DOCK10: variants seen among roughly 807,000 people sequenced by gnomAD.
DOCK10 encodes the protein dedicator of cytokinesis protein 10.
In DOCK10, 145 loss-of-function variants were observed where a neutral mutation model predicts 280.1. The observed-to-expected ratio is 0.52, with a 90% confidence interval of 0.45 to 0.59. DOCK10 has a LOEUF of 0.59. DOCK10 is among the 20% of genes least tolerant of loss of function. The pLI is 0.00. For missense variants in DOCK10, 2,368 were observed against 2,651.7 expected (o/e 0.89, Z 2.35); for synonymous variants, 915 against 942.2 (o/e 0.97, Z 0.53).
intron 16 of DOCK10, among the ~76,000 whole-genome samples, chr2:224,854,338 A>T (rs1410227792): frequency 6.6e-6 from 1 of 152,200 alleles, no homozygotes; most frequent in Non-Finnish European, 1.5e-5. Context: ...AATAAAGTTT[A>T]AAAAACTCCT....
chr2:224,987,373 T>A (rs533171201), intron 1 of DOCK10, among the ~76,000 whole-genome samples: 1 of 152,268 alleles, frequency 6.6e-6, no homozygotes, highest in Admixed American at 6.5e-5. Flanking sequence ...GGCTCCAAGC[T>A]CTAGAAAGTA....
chr2:225,005,970 G>C (rs1418823048), intron 1 of DOCK10, among the ~76,000 whole-genome samples: 1 of 152,170 alleles, frequency 6.6e-6, no homozygotes, highest in Admixed American at 6.5e-5. Context: ...CCACCCTCTA[G>C]GGTGTACAAA....
At chr2:225,035,440 T>G (rs1399410379) in intron 1 of DOCK10, among the ~76,000 whole-genome samples, 1 of 149,540 alleles carries the variant, frequency 6.7e-6, no homozygotes, top group Non-Finnish European at 1.5e-5. Flanking sequence ...CATGATTTTC[T>G]AATTCTAGCA....
intron 3 of DOCK10, 136 bp from the exon 4 acceptor site, chr2:224,896,513 A>G: frequency 1.9e-6 from 1 of 519,766 alleles, no homozygotes; most frequent in East Asian, 3.3e-5. Context: ...GTTCGAGGCC[A>G]ACCTGACCAA....
chr2:225,027,358 G>T (rs1033218839), intron 1 of DOCK10, among the ~76,000 whole-genome samples: 2 of 152,150 alleles, frequency 1.3e-5, no homozygotes, highest in Non-Finnish European at 2.9e-5. Context: ...GATGACCACT[G>T]TAATAATGAA....
intron 1 of DOCK10, among the ~76,000 whole-genome samples, chr2:224,950,813 A>G (rs531086920): frequency 1.3e-5 from 2 of 152,354 alleles, no homozygotes; most frequent in South Asian, 4.1e-4. Flanking sequence ...ATTTTTGGAG[A>G]ACAGATTAAC....
chr2:224,905,881 T>C lies in DOCK10; in HGVS notation c.334-9504A>G, dbSNP rs1012910969. On this transcript the variant is annotated intron_variant, in intron 3 of 55. Transcript: ENST00000258390. ...TGGCTCAGGGACCTGCCTTCTCAGT[T>C]CCAGCCCAATTCTCTGGTGTTCATG... Among the ~76,000 whole-genome samples the C allele has an allele frequency of 3.3e-5, 5 of 152,112 alleles. No homozygotes were observed. In the East Asian group the frequency reaches 9.7e-4, roughly 29 times the overall value.
chr2:225,030,485 C>T (rs1690046104), intron 1 of DOCK10, among the ~76,000 whole-genome samples: 1 of 152,156 alleles, frequency 6.6e-6, no homozygotes, highest in Non-Finnish European at 1.5e-5. Flanking sequence ...TTTCTGCACC[C>T]TGCTCGGGGT....
chr2:225,041,208 A>G (rs537643436), intron 1 of DOCK10, among the ~76,000 whole-genome samples: 2 of 152,328 alleles, frequency 1.3e-5, no homozygotes, highest in Non-Finnish European at 2.9e-5. Context: ...GACTGGCAAG[A>G]GTAACACTTT....
intron 50 of DOCK10, chr2:224,784,772 G>A: frequency 7.8e-7 from 1 of 1,289,646 alleles, no homozygotes. Flanking sequence ...AAGAAGAAAA[G>A]AGTAAACATC....
At chr2:225,039,955 C>T (rs1202599312) in intron 1 of DOCK10, among the ~76,000 whole-genome samples, 1 of 152,156 alleles carries the variant, frequency 6.6e-6, no homozygotes, top group Non-Finnish European at 1.5e-5. Flanking sequence ...TGGCTTGCTC[C>T]AATACACACC....
intron 7 of DOCK10, among the ~76,000 whole-genome samples, chr2:224,878,116 A>G (rs1698753701): frequency 6.6e-6 from 1 of 152,212 alleles, no homozygotes; most frequent in Admixed American, 6.5e-5. Flanking sequence ...TTTCTTGGTG[A>G]CAAGCAAAAA....
intron 2 of DOCK10, among the ~76,000 whole-genome samples, chr2:224,924,500 G>C (rs1701950259): frequency 1.3e-5 from 2 of 152,178 alleles, no homozygotes; most frequent in Non-Finnish European, 2.9e-5. Flanking sequence ...ATTCAAGGTT[G>C]ATCTAAATTG....
At chr2:224,947,847 C>T (rs1258966910) in intron 1 of DOCK10, among the ~76,000 whole-genome samples, 1 of 152,140 alleles carries the variant, frequency 6.6e-6, no homozygotes, top group Non-Finnish European at 1.5e-5. Flanking sequence ...AATTTCATTT[C>T]ATTCACTGGG....
chr2:224,954,337 T>G (rs371405452), intron 1 of DOCK10, among the ~76,000 whole-genome samples: 37 of 152,326 alleles, frequency 2.4e-4, no homozygotes, highest in African/African-American at 7.7e-4. Flanking sequence ...TCCAGAGATA[T>G]GTATATATCT....
intron 2 of DOCK10, among the ~76,000 whole-genome samples, chr2:224,924,610 G>A (rs1701957601): frequency 6.6e-6 from 1 of 152,148 alleles, no homozygotes; most frequent in African/African-American, 2.4e-5. Context: ...TCAGTTGATA[G>A]ATTATTTGGG....
intron 24 of DOCK10, among the ~76,000 whole-genome samples, chr2:224,839,084 C>CTTT (rs67901319): frequency 2.7e-4 from 40 of 150,456 alleles, no homozygotes; most frequent in African/African-American, 6.9e-4. Flanking sequence ...GTTCATAGCA[C>CTTT]TTCTTTTTTT....
At chr2:224,938,319 T>C (rs573765959) in intron 1 of DOCK10, among the ~76,000 whole-genome samples, 10 of 152,294 alleles carry the variant, frequency 6.6e-5, no homozygotes, top group Non-Finnish European at 1.3e-4. Context: ...TAATCCTGTA[T>C]CTGAGTGGCT....
chr2:224,920,341 T>A (rs1000044143), intron 2 of DOCK10, among the ~76,000 whole-genome samples: 8 of 151,790 alleles, frequency 5.3e-5, no homozygotes, highest in Admixed American at 1.3e-4. Flanking sequence ...CTCAAAGTGC[T>A]GGGATTACAG....
Sources: gnomAD v4.1 joint callset for allele counts (sites outside exome capture counted in the v4.1 genomes callset) on GRCh38, gnomAD v4.1.1 for gene constraint, MANE v1.5 for transcripts, NCBI Gene and HGNC (gene_info 2026-07-23, HGNC 2026-07-21) for gene names.